The following TBC1D32 variants were observed in gnomAD, a reference collection of about 807,000 sequenced individuals.
TBC1D32 encodes TBC1 domain family member 32.
TBC1D32 carries 151 observed loss-of-function variants against 170.3 expected under a neutral mutation model. The observed-to-expected ratio is 0.89, with a 90% CI of 0.78 to 1.01. The LOEUF is 1.01. Ranked by LOEUF, TBC1D32 falls within the 50% of genes least tolerant of loss-of-function variation. TBC1D32 has a pLI of 0.00. For missense variants in TBC1D32, 1,464 were observed against 1,457.1 expected (o/e 1.00, Z -0.08); for synonymous variants, 498 against 488.0 (o/e 1.02, Z -0.27).
At chr6:121,219,744 T>C (rs1794280184) in intron 21 of TBC1D32, among the ~76,000 whole-genome samples, 1 of 152,248 alleles carries the variant, frequency 6.6e-6, no homozygotes, top group African/African-American at 2.4e-5. Flanking sequence ...TATGCTTTTT[T>C]GAATATTTAA....
At chr6:121,220,567 A>G (rs1264558550) in intron 21 of TBC1D32, among the ~76,000 whole-genome samples, 2 of 152,124 alleles carry the variant, frequency 1.3e-5, no homozygotes, top group African/African-American at 2.4e-5. Flanking sequence ...GTGCTGATGT[A>G]GAAGTTGCAA....
Position 121,122,708 on chromosome 6 carries a change from C to T in TBC1D32, c.2983+3670G>A, listed in dbSNP as rs114974464. On this transcript the variant is annotated intron_variant, in intron 26 of 31. Coordinates refer to ENST00000398212, the MANE Select transcript of TBC1D32 (RefSeq NM_152730.6). ...ACCTTTTAACTTACTGAATATTCTACTTATTTTCTGTCTTCCCACTAGAAA... is the reference window on the plus strand; with the variant it reads ...ACCTTTTAACTTACTGAATATTCTATTTATTTTCTGTCTTCCCACTAGAAA... Among the ~76,000 whole-genome samples the T allele has an allele frequency of 1.5e-3, 230 of 152,108 alleles. 1 individual carries two copies. Among genetic ancestry groups the T allele is most frequent in the African/African-American group, 5.4e-3 (223 of 41,520 alleles).
At chr6:121,203,538 TG>T (rs928486804) in intron 22 of TBC1D32, among the ~76,000 whole-genome samples, 1 of 151,440 alleles carries the variant, frequency 6.6e-6, no homozygotes, top group Non-Finnish European at 1.5e-5. Context: ...CATGAAGAAC[TG>T]CTATTAGAAC....
chr6:121,099,711 C>G (rs79571653), intron 30 of TBC1D32, among the ~76,000 whole-genome samples: 9,831 of 151,890 alleles, frequency 0.065, 620 homozygotes, highest in Admixed American at 0.21. Context: ...ATAATATCAA[C>G]AGAGCAATGA....
chr6:121,218,629 C>T (rs1309488279), intron 21 of TBC1D32, among the ~76,000 whole-genome samples: 1 of 152,066 alleles, frequency 6.6e-6, no homozygotes, highest in East Asian at 1.9e-4. Context: ...ACTGGCCTAG[C>T]CTCTCAGCCT....
Position 121,121,884 on chromosome 6 carries a change from A to G in TBC1D32, c.2983+4494T>C, listed in dbSNP as rs138516369. Among the ~76,000 whole-genome samples, 36 of 152,168 alleles carry G rather than the reference A, an allele frequency of 2.4e-4. No homozygotes were observed. In the East Asian group the frequency reaches 6.6e-3, roughly 28 times the overall value. On this transcript the variant is annotated intron_variant, in intron 26 of 31. Transcript: ENST00000398212. ...TGAGAAAGAAATTACAATGAGATGT[A>G]TTGGCTTTATATACCAAGCTGATGG...
At chr6:121,272,709 C>A (rs907048520) in intron 15 of TBC1D32, among the ~76,000 whole-genome samples, 1 of 152,192 alleles carries the variant, frequency 6.6e-6, no homozygotes, top group African/African-American at 2.4e-5. Context: ...GGCAATTCAT[C>A]AAGGATCTAG....
In TBC1D32 at chr6:121,207,979, T is replaced by A. The variant is rs1008761476; in HGVS notation, c.2482-2816A>T. Among the ~76,000 whole-genome samples, 4 of 152,058 alleles carry A rather than the reference T, an allele frequency of 2.6e-5. No homozygotes were observed. In the East Asian group the frequency reaches 7.7e-4, roughly 29 times the overall value. Reference sequence around the variant, plus strand: ...CTTCTAGAAGTGGCTTATGATTGGTTAGCCTATGAATAAAACTAAGCTAAT... The same window carrying A: ...CTTCTAGAAGTGGCTTATGATTGGTAAGCCTATGAATAAAACTAAGCTAAT... On this transcript the variant is annotated intron_variant, in intron 21 of 31. Transcript: ENST00000398212.
At chr6:121,208,053 C>A (rs1465642950) in intron 21 of TBC1D32, among the ~76,000 whole-genome samples, 1 of 151,660 alleles carries the variant, frequency 6.6e-6, no homozygotes, top group East Asian at 1.9e-4. Flanking sequence ...GAGGAAAAGG[C>A]TGCTCTCCTG....
intron 1 of TBC1D32, 117 bp downstream of exon 1, chr6:121,334,158 TA>T (rs1397704197): frequency 4.4e-5 from 35 of 787,588 alleles, no homozygotes; most frequent in Non-Finnish European, 6.3e-5. Context: ...AGAGAAAAAG[TA>T]AACCTCCAAG....
intron 15 of TBC1D32, among the ~76,000 whole-genome samples, chr6:121,272,329 A>C (rs1485075053): frequency 1.3e-5 from 2 of 152,184 alleles, no homozygotes; most frequent in Admixed American, 6.5e-5. Flanking sequence ...CAACCTACAG[A>C]AAGGGAGAAA....
intron 9 of TBC1D32, among the ~76,000 whole-genome samples, chr6:121,300,663 GACA>G (rs1806324342): frequency 6.6e-6 from 1 of 152,042 alleles, no homozygotes; most frequent in African/African-American, 2.4e-5. Flanking sequence ...CAAAAGCAAT[GACA>G]ACAAAAGCCA....
intron 26 of TBC1D32, among the ~76,000 whole-genome samples, chr6:121,125,611 C>A (rs1562565108): frequency 6.6e-6 from 1 of 152,070 alleles, no homozygotes; most frequent in Non-Finnish European, 1.5e-5. Flanking sequence ...TGAGATGGAG[C>A]CTCATGTGCC....
chr6:121,118,951 C>G (rs994151231), intron 26 of TBC1D32, among the ~76,000 whole-genome samples: 1 of 152,136 alleles, frequency 6.6e-6, no homozygotes, highest in Admixed American at 6.6e-5. Flanking sequence ...ATTTCCATGT[C>G]TTGATTATGC....
chr6:121,173,727 G>T (rs1388957511), intron 22 of TBC1D32, among the ~76,000 whole-genome samples: 2 of 151,930 alleles, frequency 1.3e-5, no homozygotes, highest in Non-Finnish European at 2.9e-5. Flanking sequence ...CCAGGGGAGG[G>T]GAGAGGATGG....
chr6:121,294,584 T>C lies in TBC1D32; in HGVS notation c.1217A>G (p.His406Arg). ...KTRKADETLG[H>R]SKHCRNKQKT... is the part of the protein sequence containing the mutation. ...ATAATACTTACTGCAATGCTTTGAATGTCCCAAAGTTTCATCAGCTTTCCT... is the reference window on the plus strand; with the variant it reads ...ATAATACTTACTGCAATGCTTTGAACGTCCCAAAGTTTCATCAGCTTTCCT... The change falls in exon 11 of 32, where the codon CAT becomes CGT. Residue 406 changes from histidine to arginine, a missense_variant. Transcript: ENST00000398212. The C allele has an allele frequency of 6.2e-7, 1 of 1,611,484 alleles. No individual in the cohort carries two copies.
At chr6:121,147,976 A>G (rs1464185610) in intron 24 of TBC1D32, among the ~76,000 whole-genome samples, 2 of 145,828 alleles carry the variant, frequency 1.4e-5, no homozygotes, top group African/African-American at 5.0e-5. Context: ...TTTAATTGGA[A>G]TATTTGTTTG....
intron 17 of TBC1D32, among the ~76,000 whole-genome samples, chr6:121,246,903 G>A (rs975577053): frequency 2.0e-5 from 3 of 151,848 alleles, no homozygotes; most frequent in East Asian, 1.9e-4. Flanking sequence ...GTGTTCCTGG[G>A]GCAGAAGACA....
At chr6:121,291,160 AG>A (rs151283876) in intron 12 of TBC1D32, among the ~76,000 whole-genome samples, 3,525 of 151,898 alleles carry the variant, frequency 0.023, 145 homozygotes, top group East Asian at 0.12. Flanking sequence ...AAAAAAAAAA[AG>A]AAAGAAAGAA....
Sources: gnomAD v4.1 joint callset for allele counts (sites outside exome capture counted in the v4.1 genomes callset) on GRCh38, gnomAD v4.1.1 for gene constraint, MANE v1.5 for transcripts, NCBI Gene and HGNC (gene_info 2026-07-23, HGNC 2026-07-21) for gene names.